EPHA3: variants seen among roughly 807,000 people sequenced by gnomAD.
EPHA3 encodes EPH receptor A3.
EPHA3 carries 42 observed loss-of-function variants against 107.1 expected under a neutral mutation model. That is an observed-to-expected ratio of 0.39 (90% CI 0.31 to 0.51). EPHA3 has a LOEUF of 0.51. Among genes scored for constraint, EPHA3 ranks in the 20% least tolerant of loss-of-function variants. The pLI is 0.78. For synonymous variants in EPHA3, 461 were observed against 424.8 expected (o/e 1.09, Z -1.05); for missense variants, 1,183 against 1,211.2 (o/e 0.98, Z 0.35).
chr3:89,268,138 C>A (rs1705582115), intron 3 of EPHA3, among the ~76,000 whole-genome samples: 1 of 152,074 alleles, frequency 6.6e-6, no homozygotes, highest in South Asian at 2.1e-4. Flanking sequence ...GTAACTCAAT[C>A]CATTTTTCCT....
At chr3:89,127,338 T>C (rs1704116135) in intron 2 of EPHA3, 65 bp downstream of exon 2, 1 of 1,256,170 alleles carries the variant, frequency 8.0e-7, no homozygotes, top group Non-Finnish European at 1.2e-6. Context: ...AGCAGATGAA[T>C]TTATTGTATT....
At chr3:89,239,982 C>A (rs1704856384) in intron 3 of EPHA3, among the ~76,000 whole-genome samples, 1 of 152,042 alleles carries the variant, frequency 6.6e-6, no homozygotes, top group South Asian at 2.1e-4. Flanking sequence ...CTATTCTAGC[C>A]ATCTGATCCT....
chr3:89,351,914 C>T (rs1292385561), intron 5 of EPHA3, among the ~76,000 whole-genome samples: 1 of 131,242 alleles, frequency 7.6e-6, no homozygotes, highest in Non-Finnish European at 1.6e-5. Flanking sequence ...TCTGTAAATT[C>T]AAGGCAGATG....
At chr3:89,189,149 A>G (rs1254656530) in intron 2 of EPHA3, among the ~76,000 whole-genome samples, 1 of 152,236 alleles carries the variant, frequency 6.6e-6, no homozygotes, top group Non-Finnish European at 1.5e-5. Context: ...GAGTATGAAG[A>G]GGACTAAATG....
rs114336643 is a variant in EPHA3 at position 89,420,351 on chromosome 3, T to C, written c.2074+961T>C. On this transcript the variant is annotated intron_variant, in intron 11 of 16. Transcript: ENST00000336596. ...ACTAATACTTATTCTCACTTTAGCA[T>C]GACTAAAAAGGCATTTCCTTCCTCA... Among the ~76,000 whole-genome samples, 1,422 of 151,578 alleles carry C rather than the reference T, an allele frequency of 9.4e-3. 25 individuals are homozygous for C. Among genetic ancestry groups the C allele is most frequent in the African/African-American group, 0.033 (1,358 of 41,464 alleles).
At chr3:89,239,873 G>GT (rs1704854204) in intron 3 of EPHA3, among the ~76,000 whole-genome samples, 1 of 152,154 alleles carries the variant, frequency 6.6e-6, no homozygotes, top group South Asian at 2.1e-4. Context: ...ATTGATAATA[G>GT]TTGAGGTAGT....
chr3:89,208,474 G>GAA lies in EPHA3; in HGVS notation c.154-1384_154-1383dup, dbSNP rs1706177993. ...AGAAAGAAAGAAAGAAAGAAAGAAA[G>GAA]AAAGAAAGAGAAAAAGAAAGGAGGG... On this transcript the variant is annotated intron_variant, in intron 2 of 16. Transcript: ENST00000336596. Among the ~76,000 whole-genome samples the GAA allele has an allele frequency of 1.8e-4, 24 of 131,808 alleles. 1 individual carries two copies. The highest frequency in any genetic ancestry group is 4.3e-3 in the Middle Eastern group (1 of 230). The allele number at this position is 131,808 out of a possible 152,430, so 86.5% of individuals were successfully genotyped here.
At chr3:89,334,854 C>A (rs1262013838) in intron 3 of EPHA3, among the ~76,000 whole-genome samples, 1 of 152,152 alleles carries the variant, frequency 6.6e-6, no homozygotes, top group Non-Finnish European at 1.5e-5. Context: ...TAGATCAAAA[C>A]ATGCCATTTC....
intron 3 of EPHA3, among the ~76,000 whole-genome samples, chr3:89,214,704 C>T (rs1441545391): frequency 6.6e-6 from 1 of 151,776 alleles, no homozygotes; most frequent in African/African-American, 2.4e-5. Context: ...ACAGCAGTCA[C>T]GCTTGATTTT....
At chr3:89,372,511 A>G (rs1176475944) in intron 5 of EPHA3, among the ~76,000 whole-genome samples, 3 of 151,724 alleles carry the variant, frequency 2.0e-5, no homozygotes, top group Admixed American at 2.0e-4. Flanking sequence ...TGCCACTTCT[A>G]GGAATGCTCT....
intron 15 of EPHA3, among the ~76,000 whole-genome samples, chr3:89,469,320 G>C (rs1383947970): frequency 1.3e-5 from 2 of 152,140 alleles, no homozygotes; most frequent in East Asian, 3.9e-4. Flanking sequence ...TATGTAAATA[G>C]AGTCAGAACC....
At chr3:89,417,075 GATAA>G (rs935551292) in intron 10 of EPHA3, among the ~76,000 whole-genome samples, 14 of 151,600 alleles carry the variant, frequency 9.2e-5, no homozygotes, top group Non-Finnish European at 1.5e-4. Context: ...AACTCAGAGA[GATAA>G]ATAGTGACCA....
At chr3:89,450,608 CTTGT>C (rs1462444202) in intron 15 of EPHA3, among the ~76,000 whole-genome samples, 5 of 152,150 alleles carry the variant, frequency 3.3e-5, no homozygotes, top group Middle Eastern at 3.4e-3. Context: ...TACATTCAGG[CTTGT>C]TTAAGTCTTT....
chr3:89,236,804 C>T (rs181575712), intron 3 of EPHA3, among the ~76,000 whole-genome samples: 1 of 152,034 alleles, frequency 6.6e-6, no homozygotes. Context: ...AAGAAAGCTA[C>T]ATTTTTTTAT....
intron 16 of EPHA3, among the ~76,000 whole-genome samples, chr3:89,477,236 C>T (rs1294191534): frequency 6.6e-6 from 1 of 152,118 alleles, no homozygotes; most frequent in African/African-American, 2.4e-5. Flanking sequence ...GTACACTAAG[C>T]GTGGCAAGCC....
chr3:89,127,323 T>C lies in EPHA3; in HGVS notation c.153+50T>C, dbSNP rs747412138. ...GAAACATTTTCTCTATTACCTGTCT[T>C]AGGGAGCAGATGAATTTATTGTATT... On this transcript the variant is annotated intron_variant, in intron 2 of 16. Coordinates refer to ENST00000336596, the MANE Select transcript of EPHA3 (RefSeq NM_005233.6). 6 of 1,388,830 alleles carry C rather than the reference T, an allele frequency of 4.3e-6. No homozygotes were observed. The Admixed American group carries it at 8.6e-5, about 20-fold the overall frequency. 86.0% of individuals were successfully genotyped at this position (1,388,830 alleles called of 1,614,324 possible).
intron 3 of EPHA3, among the ~76,000 whole-genome samples, chr3:89,219,998 G>A (rs1378016172): frequency 2.0e-5 from 3 of 151,858 alleles, no homozygotes; most frequent in Non-Finnish European, 4.4e-5. Context: ...GTGAGCCACC[G>A]GGCAATGTTT....
intron 2 of EPHA3, among the ~76,000 whole-genome samples, chr3:89,154,948 A>G (rs1704767432): frequency 6.7e-6 from 1 of 149,372 alleles, no homozygotes; most frequent in Non-Finnish European, 1.5e-5. Context: ...TATTATAACC[A>G]TTAGAAACAT....
intron 13 of EPHA3, among the ~76,000 whole-genome samples, chr3:89,442,438 A>G (rs1709802964): frequency 6.6e-6 from 1 of 152,178 alleles, no homozygotes; most frequent in South Asian, 2.1e-4. Context: ...TAGTTCGCAA[A>G]TGGGGATGAT....
Sources: allele counts gnomAD v4.1 joint callset (sites outside exome capture counted in the v4.1 genomes callset), GRCh38; gene constraint gnomAD v4.1.1; transcripts MANE v1.5; gene names NCBI Gene and HGNC (gene_info 2026-07-23, HGNC 2026-07-21).